Variants in JMJD1C observed in about 807,000 individuals in gnomAD.
JMJD1C encodes the protein jumonji domain containing 1C.
Under a neutral mutation model 245.3 loss-of-function variants are expected in JMJD1C, and 31 were observed. The observed-to-expected ratio is 0.13, with a 90% CI of 0.09 to 0.17. The LOEUF is 0.17. Among genes scored for constraint, JMJD1C ranks in the 10% least tolerant of loss-of-function variants. The pLI, the probability that JMJD1C is intolerant of heterozygous loss-of-function variation, is 1.00. For missense variants in JMJD1C, 2,691 were observed against 3,000.2 expected, an observed-to-expected ratio of 0.90 and a Z score of 2.41; for synonymous variants, 1,057 against 1,017.4, an observed-to-expected ratio of 1.04 and a Z score of -0.74.
chr10:63,339,224 C>T (rs1040540704), intron 2 of JMJD1C, among the ~76,000 whole-genome samples: 1 of 152,234 alleles, frequency 6.6e-6, no homozygotes, highest in Admixed American at 6.5e-5. Context: ...ACTTGCTGCA[C>T]TAAGGCAAAT....
chr10:63,380,459 A>C lies in JMJD1C; in HGVS notation c.192T>G (p.Leu64=). ...TAACCCACTCTCGTTTATCCCATTCAAGATCATCAAATTCCACATACACCT... is the reference window on the plus strand; with the variant it reads ...TAACCCACTCTCGTTTATCCCATTCCAGATCATCAAATTCCACATACACCT... The part of the protein sequence containing the change: ...DLAVYVEFDD[L]EWDKREWVKV... The change falls in exon 2 of 26, where the codon CTT becomes CTG. Residue 64 remains leucine, a synonymous_variant. Transcript: ENST00000399262. The C allele has an allele frequency of 6.2e-7, 1 of 1,613,016 alleles. No homozygotes were observed. The highest frequency in any genetic ancestry group is 8.5e-7 in the Non-Finnish European group (1 of 1,179,620).
intron 2 of JMJD1C, among the ~76,000 whole-genome samples, chr10:63,266,721 G>C (rs1294110970): frequency 1.3e-5 from 2 of 151,976 alleles, no homozygotes; most frequent in Non-Finnish European, 2.9e-5. Flanking sequence ...GTCCACAAAA[G>C]GTATTATCTA....
chr10:63,408,272 G>A (rs1225939824), intron 1 of JMJD1C, among the ~76,000 whole-genome samples: 3 of 151,864 alleles, frequency 2.0e-5, no homozygotes, highest in Admixed American at 6.6e-5. Flanking sequence ...GCGTGGAGGC[G>A]GGCGCCTGTA....
intron 1 of JMJD1C, among the ~76,000 whole-genome samples, chr10:63,439,692 A>G (rs1951254961): frequency 6.6e-6 from 1 of 152,204 alleles, no homozygotes; most frequent in Non-Finnish European, 1.5e-5. Context: ...TATTTTATTT[A>G]GGTAAATAAT....
intron 1 of JMJD1C, among the ~76,000 whole-genome samples, chr10:63,500,300 G>A (rs978689708): frequency 3.3e-5 from 5 of 152,036 alleles, no homozygotes; most frequent in African/African-American, 1.2e-4. Flanking sequence ...GTGCACACTT[G>A]TAGTCCCAGC....
rs74716172 is a variant in JMJD1C at position 63,392,144 on chromosome 10, T to C, written c.169-11662A>G. Among the ~76,000 whole-genome samples, 558 of 152,212 alleles carry C rather than the reference T, an allele frequency of 3.7e-3. 6 individuals are homozygous for C. Among genetic ancestry groups the C allele is most frequent in the African/African-American group, 0.013 (525 of 41,530 alleles). Reference sequence around the variant, plus strand: ...ATGGAAAAAACAACCATTTTGATAATTGGTATGTGAAAAACTGGATATCCA... The same window carrying C: ...ATGGAAAAAACAACCATTTTGATAACTGGTATGTGAAAAACTGGATATCCA... On this transcript the variant is annotated intron_variant, in intron 1 of 25. Coordinates refer to ENST00000399262, the MANE Select transcript of JMJD1C (RefSeq NM_032776.3).
At chr10:63,408,781 C>T (rs999144753) in intron 1 of JMJD1C, among the ~76,000 whole-genome samples, 2 of 150,932 alleles carry the variant, frequency 1.3e-5, no homozygotes, top group Non-Finnish European at 2.9e-5. Flanking sequence ...ACAAGAAATC[C>T]ACGAAAAGAA....
chr10:63,324,273 A>G (rs1941266679), intron 2 of JMJD1C, among the ~76,000 whole-genome samples: 1 of 151,968 alleles, frequency 6.6e-6, no homozygotes. Flanking sequence ...TATCTCGTAT[A>G]TCCTTAAAAC....
In JMJD1C at chr10:63,219,935, G is replaced by T; in HGVS notation, c.496C>A (p.His166Asn). The T allele has an allele frequency of 6.2e-7, 1 of 1,613,772 alleles. No individual in the cohort carries two copies. The highest frequency in any genetic ancestry group is 8.5e-7 in the Non-Finnish European group (1 of 1,179,762). ...NPVLRDNPQL[H>N]EEVKVWVKEQ... ...TTTACCCAGACTTTCACTTCCTCAT[G>T]AAGCTGCGGGTTGTCCCTGAGAACT... Residue 166 changes from histidine to asparagine, a missense_variant, in exon 4 of 26, where the codon CAT becomes AAT. By Grantham distance (68) the His-to-Asn change is moderately conservative (BLOSUM62 1). This residue lies in a region of JMJD1C where 172 missense variants were observed against 240.8 expected (regional missense o/e 0.71). Coordinates refer to ENST00000399262, the MANE Select transcript of JMJD1C (RefSeq NM_032776.3).
intron 3 of JMJD1C, among the ~76,000 whole-genome samples, chr10:63,233,725 T>TTA (rs60964501): frequency 0.049 from 6,885 of 140,908 alleles, 401 homozygotes; most frequent in African/African-American, 0.14. Context: ...TATATACATA[T>TTA]TATATATATA....
intron 25 of JMJD1C, 86 bp from the exon 26 acceptor site, chr10:63,168,220 A>T: frequency 8.7e-7 from 1 of 1,145,390 alleles, no homozygotes; most frequent in Admixed American, 2.0e-5. Context: ...AAAAAATAAT[A>T]GGGAACTAGG....
chr10:63,395,916 G>GA (rs762298314), intron 1 of JMJD1C, among the ~76,000 whole-genome samples: 1 of 151,822 alleles, frequency 6.6e-6, no homozygotes, highest in Non-Finnish European at 1.5e-5. Context: ...TCAGAGTTGA[G>GA]AAAAAAAGAC....
intron 2 of JMJD1C, among the ~76,000 whole-genome samples, chr10:63,327,069 C>T (rs1266341681): frequency 6.6e-6 from 1 of 152,022 alleles, no homozygotes; most frequent in Non-Finnish European, 1.5e-5. Context: ...CACCTGTAGT[C>T]CCAGCTACCG....
At chr10:63,323,781 A>T (rs1256237379) in intron 2 of JMJD1C, among the ~76,000 whole-genome samples, 1 of 152,030 alleles carries the variant, frequency 6.6e-6, no homozygotes, top group Non-Finnish European at 1.5e-5. Context: ...GGACCAATAG[A>T]GTGTGAGCAT....
chr10:63,214,274 T>C lies in JMJD1C; in HGVS notation c.1893A>G (p.Val631=), dbSNP rs773525940. 1 of 1,614,000 alleles carries C rather than the reference T, an allele frequency of 6.2e-7. No homozygotes were observed. The highest frequency in any genetic ancestry group is 1.7e-5 in the Admixed American group (1 of 60,028). Residue 631 remains valine (V), a synonymous_variant, in exon 8 of 26, where the codon GTA becomes GTG. Transcript: ENST00000399262. ...GGCTGGATTTTATCTTGTGAGTATC[T>C]ACTGAAGTATTAAGTTTAGATTTTA... is the stretch of plus-strand genomic sequence containing the variant. ...ETIKSKLNTS[V]DTHKIKSSPS...
chr10:63,225,394 C>T (rs895948795), intron 3 of JMJD1C, among the ~76,000 whole-genome samples: 3 of 152,126 alleles, frequency 2.0e-5, no homozygotes, highest in African/African-American at 4.8e-5. Context: ...TTTGGGGGTA[C>T]ATCAGTCACT....
chr10:63,371,730 G>C (rs1946339527), intron 2 of JMJD1C, among the ~76,000 whole-genome samples: 2 of 152,110 alleles, frequency 1.3e-5, no homozygotes, highest in African/African-American at 4.8e-5. Context: ...CAAGATATGA[G>C]TGTGTGAACT....
intron 22 of JMJD1C, among the ~76,000 whole-genome samples, 192 bp from the exon 23 acceptor site, chr10:63,178,048 C>T (rs553577299): frequency 6.6e-6 from 1 of 152,272 alleles, no homozygotes; most frequent in South Asian, 2.1e-4. Flanking sequence ...TCAAGCAATT[C>T]TCTTGCCTCA....
chr10:63,359,452 GACAAAACATTTTTGTAGA>G (rs1945141646), intron 2 of JMJD1C, among the ~76,000 whole-genome samples: 1 of 152,160 alleles, frequency 6.6e-6, no homozygotes, highest in Non-Finnish European at 1.5e-5. Flanking sequence ...TTTTTATAAT[GACAAAACATTTTTGTAGA>G]ACTGGTTTTA....
Sources: gnomAD v4.1 joint callset for allele counts (sites outside exome capture counted in the v4.1 genomes callset) on GRCh38, gnomAD v4.1.1 for gene constraint, gnomAD v4.1.1 regional missense constraint, MANE v1.5 for transcripts, NCBI Gene and HGNC (gene_info 2026-07-23, HGNC 2026-07-21) for gene names.